The following CGRRF1 variants were observed in gnomAD, a reference collection of about 807,000 sequenced individuals.
CGRRF1 encodes cell growth regulator with RING finger domain protein 1.
CGRRF1 carries 32 observed loss-of-function variants against 37.2 expected under a neutral mutation model. The observed-to-expected ratio is 0.86, with a 90% confidence interval of 0.65 to 1.16. The LOEUF (loss-of-function observed/expected upper bound fraction) is 1.16, where lower values mean the gene tolerates loss of function less well. Ranked by LOEUF, CGRRF1 falls within the 50% of genes most tolerant of loss-of-function variation. CGRRF1 has a pLI of 0.00. For missense variants in CGRRF1, 391 were observed against 382.6 expected (o/e 1.02, Z -0.18); for synonymous variants, 141 against 140.3 (o/e 1.00, Z -0.04).
At chr14:54,529,482 C>T (rs917646327) in intron 2 of CGRRF1, among the ~76,000 whole-genome samples, 22 of 152,164 alleles carry the variant, frequency 1.4e-4, no homozygotes, top group African/African-American at 5.1e-4. Context: ...CACTCTTTTC[C>T]TCAGGATATT....
chr14:54,511,968 T>C (rs2032136710), intron 1 of CGRRF1, among the ~76,000 whole-genome samples: 1 of 152,244 alleles, frequency 6.6e-6, no homozygotes. Context: ...AACTTTTTAC[T>C]ATGTTTATTT....
intron 2 of CGRRF1, among the ~76,000 whole-genome samples, chr14:54,528,206 C>CTTT (rs758797153): frequency 4.0e-4 from 38 of 96,146 alleles, no homozygotes; most frequent in African/African-American, 7.6e-4. Flanking sequence ...TACCTCAATT[C>CTTT]TTTTTTTTTT....
rs2140050844 is a variant in CGRRF1 at position 54,509,976 on chromosome 14, T to C, written c.17T>C (p.Leu6Pro). MAAVF[L>P]VTLYEYSPLF... ...AAGACCCTGATGGCTGCGGTGTTTCTGGTAACGCTTTATGAATACTCGCCG... is the reference window on the plus strand; with the variant it reads ...AAGACCCTGATGGCTGCGGTGTTTCCGGTAACGCTTTATGAATACTCGCCG... Residue 6 changes from leucine to proline, a missense_variant, in exon 1 of 6, where the codon CTG (leucine) becomes CCG (proline). Transcript: ENST00000216420. 3 of 1,613,568 alleles carry C rather than the reference T, an allele frequency of 1.9e-6. No homozygotes were observed. In the East Asian group the frequency reaches 6.7e-5, roughly 36 times the overall value.
At chr14:54,535,142 A>G (rs1317047012) in intron 4 of CGRRF1, among the ~76,000 whole-genome samples, 2 of 152,190 alleles carry the variant, frequency 1.3e-5, no homozygotes, top group Non-Finnish European at 2.9e-5. Context: ...ATTTCCTAAA[A>G]ATAAGGATGC....
chr14:54,531,574 A>C (rs1594655759), intron 4 of CGRRF1, among the ~76,000 whole-genome samples: 1 of 152,200 alleles, frequency 6.6e-6, no homozygotes, highest in Admixed American at 6.5e-5. Context: ...AAAGTGCTCA[A>C]TTTTAAGATA....
At chr14:54,521,052 C>T (rs529799957) in intron 1 of CGRRF1, among the ~76,000 whole-genome samples, 8 of 152,086 alleles carry the variant, frequency 5.3e-5, no homozygotes, top group Admixed American at 4.6e-4. Flanking sequence ...TGAATTTAGC[C>T]CCTTTCATTT....
At chr14:54,530,835 T>C (rs1185119694) in intron 3 of CGRRF1, 68 bp from the exon 4 acceptor site, 7 of 1,227,324 alleles carry the variant, frequency 5.7e-6, no homozygotes, top group African/African-American at 1.5e-5. Context: ...TGCTAACTTA[T>C]TGATCATTTT....
At chr14:54,510,126 A>C (rs908690618) in intron 1 of CGRRF1, 63 bp downstream of exon 1, 3 of 1,274,064 alleles carry the variant, frequency 2.4e-6, no homozygotes, top group Non-Finnish European at 3.4e-6. Context: ...CGCGACGAGC[A>C]GCAGGGGGCA....
At position 54,524,385 on chromosome 14, in the gene CGRRF1, GT is replaced by G. The variant is rs530976044; in HGVS notation, c.244+1809del. Among the ~76,000 whole-genome samples, 677 of 131,628 alleles carry G rather than the reference GT, an allele frequency of 5.1e-3. 2 individuals carry two copies. The highest frequency in any genetic ancestry group is 0.013 in the African/African-American group (473 of 36,064). The allele number at this position is 131,628 out of a possible 152,430, so 86.4% of individuals were successfully genotyped here. ...TCTTGATTTGTAAGGAAAAATATAT[GT>G]TTTTTTTTTTTTTTTTCGAGACAGG... On this transcript the variant is annotated intron_variant, in intron 2 of 5. Transcript: ENST00000216420.
intron 1 of CGRRF1, among the ~76,000 whole-genome samples, chr14:54,515,739 T>C (rs908522158): frequency 2.3e-4 from 35 of 152,180 alleles, no homozygotes; most frequent in Non-Finnish European, 3.7e-4. Flanking sequence ...TACTTCAGCT[T>C]TCTTTTGATT....
At chr14:54,513,611 GTTA>G (rs1566506185) in intron 1 of CGRRF1, among the ~76,000 whole-genome samples, 2 of 151,108 alleles carry the variant, frequency 1.3e-5, no homozygotes, top group Non-Finnish European at 2.9e-5. Flanking sequence ...GTTATGTTAT[GTTA>G]TGTAATGTTA....
chr14:54,531,750 G>A (rs1298482843), intron 4 of CGRRF1, among the ~76,000 whole-genome samples: 2 of 152,000 alleles, frequency 1.3e-5, no homozygotes, highest in African/African-American at 2.4e-5. Context: ...TTCCTATTAG[G>A]AAGTTAAAAG....
intron 2 of CGRRF1, among the ~76,000 whole-genome samples, chr14:54,526,608 A>G (rs2140061705): frequency 6.6e-6 from 1 of 152,314 alleles, no homozygotes; most frequent in Non-Finnish European, 1.5e-5. Context: ...TCTCCAATAT[A>G]GAGTCTTTAA....
intron 4 of CGRRF1, among the ~76,000 whole-genome samples, chr14:54,531,693 C>T (rs576304542): frequency 2.5e-3 from 375 of 152,226 alleles, no homozygotes; most frequent in Non-Finnish European, 4.9e-3. Flanking sequence ...TTATAATAAT[C>T]TCCTTTCCTC....
intron 2 of CGRRF1, among the ~76,000 whole-genome samples, chr14:54,528,998 A>C (rs1194594461): frequency 6.6e-6 from 1 of 152,184 alleles, no homozygotes; most frequent in Non-Finnish European, 1.5e-5. Context: ...AAAATAGGTA[A>C]TATATCAATC....
At chr14:54,534,862 G>A (rs1015105787) in intron 4 of CGRRF1, among the ~76,000 whole-genome samples, 2 of 151,954 alleles carry the variant, frequency 1.3e-5, no homozygotes, top group Non-Finnish European at 2.9e-5. Flanking sequence ...CAACAGGAAT[G>A]TACCACTGTG....
chr14:54,515,718 A>G (rs986840704), intron 1 of CGRRF1, among the ~76,000 whole-genome samples: 1 of 152,202 alleles, frequency 6.6e-6, no homozygotes, highest in Non-Finnish European at 1.5e-5. Flanking sequence ...TTTGTCTGGT[A>G]TTAATGTAGC....
At chr14:54,534,128 T>A (rs2032564026) in intron 4 of CGRRF1, among the ~76,000 whole-genome samples, 1 of 152,174 alleles carries the variant, frequency 6.6e-6, no homozygotes, top group Non-Finnish European at 1.5e-5. Context: ...AAAATTGGTT[T>A]TTTTTTTGTT....
Position 54,530,108 on chromosome 14 carries a change from T to A in CGRRF1, c.304T>A (p.Cys102Ser), listed in dbSNP as rs759543517. 6.2e-7 allele frequency: 1 copy of A among 1,613,712 alleles called. No homozygotes were observed. Among genetic ancestry groups the A allele is most frequent in the African/African-American group, 1.3e-5 (1 of 75,038 alleles). Residue 102 changes from cysteine (C) to serine (S), a missense_variant, in exon 3 of 6, where the codon TGC (cysteine) becomes AGC (serine). Transcript: ENST00000216420. Reference protein sequence around the residue: ...EDSLLTCYWGCSVQKLYEALQ... With the variant: ...EDSLLTCYWGSSVQKLYEALQ... ...TAGCCTCCTTACATGCTACTGGGGG[T>A]GCAGTGTTCAAAAATTATATGAAGC...
Sources: gnomAD v4.1 joint callset for allele counts (sites outside exome capture counted in the v4.1 genomes callset) on GRCh38, gnomAD v4.1.1 for gene constraint, MANE v1.5 for transcripts, NCBI Gene and HGNC (gene_info 2026-07-23, HGNC 2026-07-21) for gene names.